The following NHSL1 variants were observed in gnomAD, a reference collection of about 807,000 sequenced individuals.
NHSL1 encodes NHS-like protein 1.
A neutral mutation model predicts 95.0 loss-of-function variants in NHSL1; 48 were observed. The ratio of observed to expected loss-of-function variants is 0.51; its 90% CI spans 0.40 to 0.64. The LOEUF (loss-of-function observed/expected upper bound fraction) is 0.64. Ranked by LOEUF, NHSL1 falls within the 30% of genes least tolerant of loss-of-function variation. NHSL1 has a pLI of 0.00. For synonymous variants in NHSL1, 783 were observed against 833.9 expected (o/e 0.94, Z 1.05); for missense variants, 1,971 against 2,077.7 (o/e 0.95, Z 1.00).
At chr6:138,468,356 A>G (rs1474396083) in intron 3 of NHSL1, among the ~76,000 whole-genome samples, 1 of 152,220 alleles carries the variant, frequency 6.6e-6, no homozygotes, top group Non-Finnish European at 1.5e-5. Flanking sequence ...GCAACAGGCT[A>G]TATACCGGGG....
intron 1 of NHSL1, among the ~76,000 whole-genome samples, chr6:138,639,175 T>C (rs73774872): frequency 0.011 from 1,740 of 152,298 alleles, 39 homozygotes; most frequent in African/African-American, 0.04. Context: ...ACTGTCAAAT[T>C]ACTTCTTTTC....
chr6:138,606,605 C>T (rs906183006), intron 1 of NHSL1, among the ~76,000 whole-genome samples: 3 of 152,152 alleles, frequency 2.0e-5, no homozygotes, highest in Non-Finnish European at 4.4e-5. Flanking sequence ...CCCATATTCC[C>T]CAGCAAAATC....
chr6:138,548,517 G>A (rs1372119769), upstream of NHSL1, among the ~76,000 whole-genome samples: 1 of 152,066 alleles, frequency 6.6e-6, no homozygotes, highest in South Asian at 2.1e-4. Context: ...CTATCATTAC[G>A]GTTGGTGTAT....
intron 1 of NHSL1, among the ~76,000 whole-genome samples, chr6:138,550,945 G>A (rs1282114287): frequency 1.3e-5 from 2 of 152,164 alleles, no homozygotes; most frequent in Non-Finnish European, 2.9e-5. Context: ...CAGCTGCAAA[G>A]TACAGTACAG....
chr6:138,557,693 T>C (rs746132758), intron 1 of NHSL1, among the ~76,000 whole-genome samples: 1 of 152,230 alleles, frequency 6.6e-6, no homozygotes, highest in Non-Finnish European at 1.5e-5. Context: ...AGCAGAGTTG[T>C]TGAAGTGTCA....
chr6:138,491,336 C>G (rs116533636), intron 2 of NHSL1, among the ~76,000 whole-genome samples: 2,174 of 152,160 alleles, frequency 0.014, 75 homozygotes, highest in African/African-American at 0.049. Flanking sequence ...GGGGATGGAG[C>G]CTTAAAAGTG....
intron 1 of NHSL1, among the ~76,000 whole-genome samples, chr6:138,647,602 C>CTTAT (rs1554258264): frequency 5.1e-5 from 7 of 136,228 alleles, no homozygotes; most frequent in African/African-American, 1.9e-4. Context: ...ATATTTCTCA[C>CTTAT]TTTTTTTTTT....
intron 1 of NHSL1, among the ~76,000 whole-genome samples, chr6:138,526,832 C>T (rs1781925039): frequency 6.6e-6 from 1 of 151,934 alleles, no homozygotes; most frequent in Non-Finnish European, 1.5e-5. Context: ...ATTTAAATAT[C>T]CTCTTTTCCT....
chr6:138,583,351 A>G (rs1784088881), intron 1 of NHSL1, among the ~76,000 whole-genome samples: 1 of 152,158 alleles, frequency 6.6e-6, no homozygotes, highest in Non-Finnish European at 1.5e-5. Context: ...TCGCCCAAGG[A>G]AGTGGGGGCA....
upstream of NHSL1, among the ~76,000 whole-genome samples, chr6:138,573,854 A>G (rs1783919534): frequency 6.6e-6 from 1 of 152,174 alleles, no homozygotes; most frequent in Non-Finnish European, 1.5e-5. Flanking sequence ...TCACACACTT[A>G]CCAGGGATGC....
intron 2 of NHSL1, among the ~76,000 whole-genome samples, chr6:138,480,468 T>A (rs764311057): frequency 5.3e-5 from 8 of 152,180 alleles, no homozygotes; most frequent in Non-Finnish European, 1.0e-4. Context: ...CACTGCAGTG[T>A]GAAAAGCCAG....
intron 4 of NHSL1, 101 bp downstream of exon 4, chr6:138,446,900 A>G: frequency 2.9e-6 from 3 of 1,051,568 alleles, no homozygotes; most frequent in South Asian, 1.5e-5. Context: ...GACCACAGCT[A>G]TTCACCTTTG....
intron 1 of NHSL1, among the ~76,000 whole-genome samples, chr6:138,647,537 A>C (rs1785035121): frequency 6.6e-6 from 1 of 152,146 alleles, no homozygotes; most frequent in Non-Finnish European, 1.5e-5. Context: ...TTGAAATGTC[A>C]ATTGAAAACA....
chr6:138,525,070 T>G (rs1190462016), intron 1 of NHSL1, among the ~76,000 whole-genome samples: 1 of 152,140 alleles, frequency 6.6e-6, no homozygotes. Context: ...CATGGACATT[T>G]CTAGTCCTCA....
chr6:138,618,593 G>GT (rs931336002), intron 1 of NHSL1, among the ~76,000 whole-genome samples: 16 of 151,720 alleles, frequency 1.1e-4, no homozygotes, highest in Admixed American at 2.0e-4. Context: ...CACAAAATCA[G>GT]TTTTTTTTTA....
chr6:138,545,794 C>T, upstream of NHSL1: 1 of 1,198,078 alleles, frequency 8.3e-7, no homozygotes, highest in Non-Finnish European at 1.1e-6. Flanking sequence ...TGCCCAATCC[C>T]CAGCCTGCTG....
intron 1 of NHSL1, among the ~76,000 whole-genome samples, chr6:138,508,092 T>A (rs1466043733): frequency 6.6e-6 from 1 of 152,212 alleles, no homozygotes; most frequent in African/African-American, 2.4e-5. Context: ...CTGCTATCAC[T>A]GTGACTGGTT....
chr6:138,496,514 A>G, intron 1 of NHSL1, 143 bp from the exon 2 acceptor site: 1 of 780,696 alleles, frequency 1.3e-6, no homozygotes, highest in Non-Finnish European at 2.1e-6. Flanking sequence ...ATTAGTTTTA[A>G]TCTTAGATTC....
rs1784854112 is a variant in NHSL1 at position 138,633,871 on chromosome 6, T to A, written c.96+58605A>T. Among the ~76,000 whole-genome samples the A allele has an allele frequency of 2.0e-5, 3 of 152,248 alleles. No homozygotes were observed. The South Asian group carries it at 6.2e-4, about 32-fold the overall frequency. Reference sequence around the variant, plus strand: ...GAGCCAAACAAAAAATAACTACAACTATTCAAGACACAAAGTATAATAAGA... The same window carrying A: ...GAGCCAAACAAAAAATAACTACAACAATTCAAGACACAAAGTATAATAAGA... On this transcript the variant is annotated intron_variant, in intron 1 of 3. Coordinates refer to the NHSL1 transcript ENST00000491526.
Sources: allele counts gnomAD v4.1 joint callset (sites outside exome capture counted in the v4.1 genomes callset), GRCh38; gene constraint gnomAD v4.1.1; transcripts MANE v1.5; gene names NCBI Gene and HGNC (gene_info 2026-07-23, HGNC 2026-07-21).